The following C15orf40 variants were observed in gnomAD, a reference collection of about 807,000 sequenced individuals.
The protein encoded by C15orf40 is UPF0235 protein C15orf40.
A neutral mutation model predicts 13.9 loss-of-function variants in C15orf40; 9 were observed. The observed-to-expected ratio is 0.65, with a 90% CI of 0.39 to 1.13. The LOEUF (loss-of-function observed/expected upper bound fraction) is 1.13. C15orf40 is among the 50% of genes most tolerant of loss of function. The pLI, the probability that C15orf40 is intolerant of heterozygous loss-of-function variation, is 0.01. For missense variants in C15orf40, 225 were observed against 188.5 expected, an observed-to-expected ratio of 1.19 and a Z score of -1.13; for synonymous variants, 95 against 69.2, an observed-to-expected ratio of 1.37 and a Z score of -1.85.
At chr15:82,990,649 A>G (rs1168218955), downstream of C15orf40, 3 of 1,530,286 alleles carry the variant, frequency 2.0e-6, no homozygotes, top group Non-Finnish European at 2.7e-6. Flanking sequence ...GGAAATCAGT[A>G]ATAAAGCTGT....
intron 3 of C15orf40, among the ~76,000 whole-genome samples, chr15:83,007,226 T>C (rs1000065285): frequency 3.9e-5 from 6 of 152,216 alleles, no homozygotes; most frequent in Admixed American, 3.9e-4. Flanking sequence ...AATGAGCTTC[T>C]CCTAGCAAGC....
In C15orf40 at chr15:82,996,244, T is replaced by G. The variant is rs1380682784; in HGVS notation, c.*9353A>C. The G allele has an allele frequency of 1.3e-5, 2 of 152,220 alleles. No individual in the cohort carries two copies. Among genetic ancestry groups the G allele is most frequent in the Admixed American group, 6.6e-5 (1 of 15,266 alleles). 9.4% of individuals were successfully genotyped at this position (152,220 alleles called of 1,614,324 possible). On this transcript the variant is annotated 3_prime_UTR_variant, in exon 4 of 4. Transcript: ENST00000304177. ...CTCCCTAAAGAATCTCCAGTCTCTT[T>G]GTCTGAATTAGGTAAATAAAGCTGT...
At chr15:82,989,034 G>T, downstream of C15orf40, 1 of 1,611,662 alleles carries the variant, frequency 6.2e-7, no homozygotes, top group Non-Finnish European at 8.5e-7. Context: ...TGACACTGCC[G>T]AAGCTGTTCC....
downstream of C15orf40, among the ~76,000 whole-genome samples, chr15:82,993,534 C>T (rs779866028): frequency 6.6e-6 from 1 of 152,158 alleles, no homozygotes; most frequent in Non-Finnish European, 1.5e-5. Context: ...AGCATTTGGC[C>T]AGGCTCAGTG....
rs1421048061 is a variant in C15orf40, at chr15:82,998,949, A to C, written c.*6648T>G. On this transcript the variant is annotated 3_prime_UTR_variant, in exon 4 of 4. Transcript: ENST00000304177. ...CTCGGGAGGCCGAGGTTGGCGGATC[A>C]CTCGTGGTTAGGGGCTGGAGACCGG... 1 of 150,204 alleles carries C rather than the reference A, an allele frequency of 6.7e-6. No individual in the cohort carries two copies. The highest frequency in any genetic ancestry group is 1.5e-5 in the Non-Finnish European group (1 of 68,452). 9.3% of individuals were successfully genotyped at this position (150,204 alleles called of 1,614,324 possible). A position where few individuals can be genotyped will look rare whatever the true frequency, so the allele number is the denominator to read the frequency against.
At chr15:83,008,990 C>T (rs573963055) in intron 2 of C15orf40, among the ~76,000 whole-genome samples, 3 of 152,188 alleles carry the variant, frequency 2.0e-5, no homozygotes, top group Admixed American at 2.0e-4. Flanking sequence ...ATGTGAAGAG[C>T]CCCAGGCAGG....
intron 1 of C15orf40, chr15:83,010,605 G>A (rs1430528061): frequency 2.2e-6 from 1 of 450,762 alleles, no homozygotes; most frequent in African/African-American, 2.0e-5. Flanking sequence ...CCTAACTCTG[G>A]CTTCTAAACC....
At chr15:83,009,763 C>T (rs933548206) in intron 2 of C15orf40, among the ~76,000 whole-genome samples, 1 of 152,156 alleles carries the variant, frequency 6.6e-6, no homozygotes, top group East Asian at 1.9e-4. Flanking sequence ...TCTCATCTGA[C>T]AGATGAAAAA....
chr15:83,008,518 CAAAA>C, intron 3 of C15orf40, 26 bp downstream of exon 3: 18 of 1,439,508 alleles, frequency 1.3e-5, no homozygotes, highest in Admixed American at 1.9e-5. Context: ...GATTTTGTCT[CAAAA>C]AAAAAAAAAA....
downstream of C15orf40, among the ~76,000 whole-genome samples, chr15:82,989,390 C>A (rs922714374): frequency 6.6e-6 from 1 of 152,138 alleles, no homozygotes; most frequent in African/African-American, 2.4e-5. Context: ...CCTTGCTGTT[C>A]AAGTGCGTGT....
At chr15:83,009,172 T>C (rs1301263884) in intron 2 of C15orf40, among the ~76,000 whole-genome samples, 1 of 152,252 alleles carries the variant, frequency 6.6e-6, no homozygotes, top group East Asian at 1.9e-4. Flanking sequence ...AATTTAATAA[T>C]GTTTACTTAA....
At chr15:82,989,795 G>T, downstream of C15orf40, 1 of 1,486,078 alleles carries the variant, frequency 6.7e-7, no homozygotes, top group South Asian at 1.3e-5. Flanking sequence ...GTATTAGAAT[G>T]AGAAACCAGA....
At chr15:82,991,929 C>T, downstream of C15orf40, 1 of 1,288,938 alleles carries the variant, frequency 7.8e-7, no homozygotes, top group Non-Finnish European at 1.0e-6. Context: ...TCAAAAATAT[C>T]ACCTGGTTGG....
rs576281932 is a variant in C15orf40 at position 83,010,463 on chromosome 15, A to G, written c.112-100T>C. 1.3e-4 allele frequency: 177 copies of G among 1,409,530 alleles called. 1 individual carries two copies. In the African/African-American group the frequency reaches 2.2e-3, roughly 18 times the overall value. 87.3% of individuals were successfully genotyped at this position (1,409,530 alleles called of 1,614,324 possible). ...CCCTTTCACCCTTAACAGACAAACTAGGCTCATCAGTGGTGTCCAGGGACT... is the reference window on the plus strand; with the variant it reads ...CCCTTTCACCCTTAACAGACAAACTGGGCTCATCAGTGGTGTCCAGGGACT... On this transcript the variant is annotated intron_variant, in intron 1 of 3. Coordinates refer to ENST00000304177, the MANE Select transcript of C15orf40 (RefSeq NM_144597.3).
At chr15:83,006,715 G>C (rs976922746) in intron 3 of C15orf40, among the ~76,000 whole-genome samples, 4 of 152,352 alleles carry the variant, frequency 2.6e-5, no homozygotes, top group African/African-American at 7.2e-5. Context: ...GCAGTGAGCC[G>C]AGATTGCGCC....
rs375083695 is a variant in C15orf40 at position 82,997,821 on chromosome 15, A to C, written c.*7776T>G. 3,909 of 36,580 alleles carry C rather than the reference A, an allele frequency of 0.11. 799 individuals carry two copies. The highest frequency in any genetic ancestry group is 0.26 in the African/African-American group (1,022 of 3,906). The allele number at this position is 36,580 out of a possible 1,614,324, so 2.3% of individuals were successfully genotyped here. A position where few individuals can be genotyped will look rare whatever the true frequency, so the allele number is the denominator to read the frequency against. On this transcript the variant is annotated 3_prime_UTR_variant, in exon 4 of 4. Coordinates refer to ENST00000304177, the MANE Select transcript of C15orf40 (RefSeq NM_144597.3). ...TCACCTCCCAGACGGGGCGGCTGGCAGGGCAGGGGGGCTGACCCCCCCCCA... is the reference window on the plus strand; with the variant it reads ...TCACCTCCCAGACGGGGCGGCTGGCCGGGCAGGGGGGCTGACCCCCCCCCA...
At chr15:83,005,838 T>A (rs2031649224) in intron 3 of C15orf40, 146 bp from the exon 4 acceptor site, 1 of 1,241,294 alleles carries the variant, frequency 8.1e-7, no homozygotes, top group African/African-American at 1.6e-5. Context: ...CTTAGATTCT[T>A]CCTTACTACC....
Position 82,998,503 on chromosome 15 carries a change from C to T in C15orf40, c.*7094G>A, listed in dbSNP as rs1274983096. The T allele has an allele frequency of 2.5e-5, 2 of 80,576 alleles. No individual in the cohort carries two copies. The highest frequency in any genetic ancestry group is 1.2e-4 in the Admixed American group (1 of 8,602). The allele number at this position is 80,576 out of a possible 1,614,324, so 5.0% of individuals were successfully genotyped here. On this transcript the variant is annotated 3_prime_UTR_variant, in exon 4 of 4. Transcript: ENST00000304177. The stretch of plus-strand genomic sequence containing the variant: ...CTCACCTCCCAGACGGGGTCTCGGC[C>T]GGGCAGAGGCGCTCCTCACATCCCA...
At chr15:82,989,144 A>G, downstream of C15orf40, 3 of 1,613,904 alleles carry the variant, frequency 1.9e-6, no homozygotes, top group Non-Finnish European at 2.5e-6. Flanking sequence ...TTGTTGAGGA[A>G]TGGAATAGCA....
Sources: allele counts gnomAD v4.1 joint callset (sites outside exome capture counted in the v4.1 genomes callset), GRCh38; gene constraint gnomAD v4.1.1; transcripts MANE v1.5; gene names NCBI Gene and HGNC (gene_info 2026-07-23, HGNC 2026-07-21).